The following KCNIP4 variants were observed in gnomAD, a reference collection of about 807,000 sequenced individuals.
The protein encoded by KCNIP4 is potassium voltage-gated channel interacting protein 4.
In KCNIP4, 12 loss-of-function variants were observed where a neutral mutation model predicts 34.0. The ratio of observed to expected loss-of-function variants is 0.35; its 90% CI spans 0.23 to 0.57. The LOEUF (loss-of-function observed/expected upper bound fraction) is 0.57, where lower values mean the gene tolerates loss of function less well. Among genes scored for constraint, KCNIP4 ranks in the 20% least tolerant of loss-of-function variants. The probability of loss-of-function intolerance (pLI) is 0.83; values close to 1 mark genes in which losing one functional copy is unlikely to be tolerated. For missense variants in KCNIP4, 238 were observed against 311.7 expected, an observed-to-expected ratio of 0.76 and a Z score of 1.78; for synonymous variants, 124 against 102.2, an observed-to-expected ratio of 1.21 and a Z score of -1.29.
intron 3 of KCNIP4, among the ~76,000 whole-genome samples, chr4:20,822,810 T>C (rs923878353): frequency 2.6e-5 from 4 of 152,152 alleles, no homozygotes; most frequent in Non-Finnish European, 5.9e-5. Context: ...TGTGTTGGTA[T>C]TAAGAGGTGG....
intron 1 of KCNIP4, among the ~76,000 whole-genome samples, chr4:21,820,009 G>A (rs186622339): frequency 2.6e-4 from 40 of 151,956 alleles, no homozygotes; most frequent in Admixed American, 2.2e-3. Context: ...CTATCTAAAT[G>A]TCCTCTGAGT....
intron 1 of KCNIP4, among the ~76,000 whole-genome samples, chr4:21,480,387 A>T (rs758789578): frequency 2.7e-4 from 41 of 152,164 alleles, no homozygotes; most frequent in Non-Finnish European, 5.4e-4. Flanking sequence ...TTGTCAATAG[A>T]CAAACAGAAC....
intron 1 of KCNIP4, among the ~76,000 whole-genome samples, chr4:21,790,452 C>T (rs1220079344): frequency 3.3e-5 from 5 of 152,080 alleles, no homozygotes; most frequent in Admixed American, 2.6e-4. Context: ...AGAGGAATTT[C>T]GGAGGCTTTA....
chr4:20,965,313 G>A (rs1171367466), intron 1 of KCNIP4, among the ~76,000 whole-genome samples: 5 of 152,032 alleles, frequency 3.3e-5, no homozygotes, highest in Non-Finnish European at 1.5e-5. Flanking sequence ...TGGTTTTCAC[G>A]GAACACATAA....
chr4:20,961,813 A>T (rs1047388608), intron 1 of KCNIP4, among the ~76,000 whole-genome samples: 2 of 152,236 alleles, frequency 1.3e-5, no homozygotes, highest in Non-Finnish European at 2.9e-5. Flanking sequence ...ATATAAAGAG[A>T]TACTAATGCA....
chr4:21,286,206 G>A (rs934357348), intron 1 of KCNIP4, among the ~76,000 whole-genome samples: 1 of 152,192 alleles, frequency 6.6e-6, no homozygotes, highest in Admixed American at 6.5e-5. Flanking sequence ...CAAGAGGTCT[G>A]AATACTTGGA....
At chr4:21,636,328 T>TA (rs1422354110) in intron 1 of KCNIP4, among the ~76,000 whole-genome samples, 1 of 150,408 alleles carries the variant, frequency 6.6e-6, no homozygotes, top group Non-Finnish European at 1.5e-5. Context: ...GAATCTGATA[T>TA]AAATTTGGAC....
intron 1 of KCNIP4, among the ~76,000 whole-genome samples, chr4:21,168,901 C>G (rs1753814675): frequency 6.6e-6 from 1 of 152,122 alleles, no homozygotes; most frequent in African/African-American, 2.4e-5. Flanking sequence ...AGAGCATCCT[C>G]TCAGTATCTC....
intron 1 of KCNIP4, among the ~76,000 whole-genome samples, chr4:21,574,335 T>A (rs902777257): frequency 1.3e-5 from 2 of 152,020 alleles, no homozygotes; most frequent in African/African-American, 2.4e-5. Flanking sequence ...TTCTTTTCAG[T>A]TTGTTTTTAA....
chr4:20,731,984 T>C (rs1033305942), intron 8 of KCNIP4, 22 bp downstream of exon 8: 3 of 1,612,634 alleles, frequency 1.9e-6, no homozygotes, highest in Admixed American at 1.7e-5. Flanking sequence ...GAATTGATAG[T>C]TATTACACTT....
intron 1 of KCNIP4, among the ~76,000 whole-genome samples, chr4:20,992,012 C>A (rs946177205): frequency 6.6e-6 from 1 of 152,210 alleles, no homozygotes; most frequent in South Asian, 2.1e-4. Flanking sequence ...CAGAACCCAG[C>A]AGGCTTTGGC....
chr4:20,732,929 C>G (rs1350051794), intron 6 of KCNIP4, 144 bp from the exon 7 acceptor site: 4 of 574,466 alleles, frequency 7.0e-6, no homozygotes, highest in East Asian at 2.9e-5. Flanking sequence ...GTTGGTTGTC[C>G]CAAAGGAAAA....
chr4:21,270,234 C>A (rs1762059886), intron 1 of KCNIP4, among the ~76,000 whole-genome samples: 1 of 152,208 alleles, frequency 6.6e-6, no homozygotes, highest in East Asian at 1.9e-4. Context: ...ACACGGAAAT[C>A]CAGAATGCCA....
intron 1 of KCNIP4, among the ~76,000 whole-genome samples, chr4:21,566,364 C>A (rs1739887030): frequency 6.6e-6 from 1 of 152,048 alleles, no homozygotes. Context: ...GAAGAGGGGC[C>A]TATTGGGAAG....
chr4:20,866,292 CA>C (rs906945697), intron 2 of KCNIP4, among the ~76,000 whole-genome samples: 1 of 152,002 alleles, frequency 6.6e-6, no homozygotes, highest in Non-Finnish European at 1.5e-5. Flanking sequence ...AGCAGCACAT[CA>C]AAAAGTTAAT....
At chr4:20,809,514 A>T (rs1715470361) in intron 3 of KCNIP4, among the ~76,000 whole-genome samples, 1 of 152,124 alleles carries the variant, frequency 6.6e-6, no homozygotes. Flanking sequence ...TCTGGCTTAT[A>T]GGCTATTTCT....
chr4:21,315,497 A>AT (rs1560283102), intron 1 of KCNIP4, among the ~76,000 whole-genome samples: 1 of 152,108 alleles, frequency 6.6e-6, no homozygotes, highest in African/African-American at 2.4e-5. Context: ...CAATACCTCA[A>AT]TTTTTGGACA....
intron 1 of KCNIP4, among the ~76,000 whole-genome samples, chr4:21,143,642 G>A (rs1158424295): frequency 6.6e-6 from 1 of 151,952 alleles, no homozygotes; most frequent in East Asian, 1.9e-4. Flanking sequence ...CACTGTAATA[G>A]AAAACTAATA....
chr4:21,132,674 G>A (rs1751161330), intron 1 of KCNIP4, among the ~76,000 whole-genome samples: 1 of 152,108 alleles, frequency 6.6e-6, no homozygotes, highest in Non-Finnish European at 1.5e-5. Flanking sequence ...CTGTGTGTTT[G>A]TCCTTGTGTA....
Sources: gnomAD v4.1 joint callset for allele counts (sites outside exome capture counted in the v4.1 genomes callset) on GRCh38, gnomAD v4.1.1 for gene constraint, MANE v1.5 for transcripts, NCBI Gene and HGNC (gene_info 2026-07-23, HGNC 2026-07-21) for gene names.